The following TOM1L2 variants were observed in gnomAD, a reference collection of about 807,000 sequenced individuals.
TOM1L2 encodes the protein target of myb1 like 2 membrane trafficking protein, also known as TOM1-like protein 2.
A neutral mutation model predicts 67.9 loss-of-function variants in TOM1L2; 31 were observed. That is an observed-to-expected ratio of 0.46 (90% CI 0.34 to 0.62). The LOEUF is 0.62. TOM1L2 is among the 20% of genes least tolerant of loss of function. The probability of loss-of-function intolerance (pLI) is 0.01; values close to 1 mark genes in which losing one functional copy is unlikely to be tolerated. For missense variants in TOM1L2, 606 were observed against 663.5 expected (o/e 0.91, Z 0.95); for synonymous variants, 256 against 254.0 (o/e 1.01, Z -0.07).
intron 1 of TOM1L2, among the ~76,000 whole-genome samples, chr17:17,952,658 G>C (rs894024554): frequency 2.6e-5 from 4 of 152,034 alleles, no homozygotes; most frequent in Middle Eastern, 3.4e-3. Flanking sequence ...GCCTCCCAAA[G>C]TGCTGGGATT....
rs1041402591 is a variant in TOM1L2 at position 17,926,942 on chromosome 17, T to C, written c.53-19411A>G. Among the ~76,000 whole-genome samples, 5 of 152,214 alleles carry C rather than the reference T, an allele frequency of 3.3e-5. No homozygotes were observed. The South Asian group carries it at 8.3e-4, about 25-fold the overall frequency. ...GCCCCAACACAAGCATGTATTCCTG[T>C]TTATACAATATTCAGGGCTAACAGA... On this transcript the variant is annotated intron_variant, in intron 1 of 14. Coordinates refer to ENST00000379504, the MANE Select transcript of TOM1L2 (RefSeq NM_001082968.2).
chr17:17,931,971 T>C (rs895943843), intron 1 of TOM1L2, among the ~76,000 whole-genome samples: 2 of 152,222 alleles, frequency 1.3e-5, no homozygotes, highest in Non-Finnish European at 2.9e-5. Context: ...TGTGTTTAAT[T>C]GTTATGAATG....
chr17:17,925,794 G>A (rs1037291993), intron 1 of TOM1L2, among the ~76,000 whole-genome samples: 3 of 150,522 alleles, frequency 2.0e-5, no homozygotes, highest in Non-Finnish European at 3.0e-5. Context: ...GATGGAGGCT[G>A]CAGTAAGCTA....
intron 2 of TOM1L2, among the ~76,000 whole-genome samples, chr17:17,900,538 A>G (rs868456212): frequency 4.4e-4 from 67 of 151,548 alleles, no homozygotes; most frequent in African/African-American, 1.2e-3. Context: ...AAAAAAAAAA[A>G]AGAGAGAAAG....
intron 7 of TOM1L2, among the ~76,000 whole-genome samples, chr17:17,870,249 T>C (rs1387343506): frequency 6.6e-6 from 1 of 152,098 alleles, no homozygotes; most frequent in Non-Finnish European, 1.5e-5. Flanking sequence ...TCTCTACCCT[T>C]AGAAGCAACA....
At chr17:17,943,950 CT>C (rs1313054004) in intron 1 of TOM1L2, among the ~76,000 whole-genome samples, 3 of 152,210 alleles carry the variant, frequency 2.0e-5, no homozygotes, top group Non-Finnish European at 4.4e-5. Flanking sequence ...AGGTAAACTC[CT>C]ACCAGAGAGC....
Position 17,862,720 on chromosome 17 carries a change from G to GC in TOM1L2, c.1202+10dup, listed in dbSNP as rs762997818. 96 of 1,609,702 alleles carry GC rather than the reference G, an allele frequency of 6.0e-5. No homozygotes were observed. Among genetic ancestry groups the GC allele is most frequent in the Non-Finnish European group, 5.9e-6 (7 of 1,177,792 alleles). ...TATCTTTAGAGAGCCACTAAAAGGG[G>GC]CCCCACATACGTCTTGCGCTGCTCA... On this transcript the variant is annotated intron_variant, in intron 11 of 14. Coordinates refer to ENST00000379504, the MANE Select transcript of TOM1L2 (RefSeq NM_001082968.2).
chr17:17,936,726 A>G (rs1405111486), intron 1 of TOM1L2, among the ~76,000 whole-genome samples: 2 of 152,194 alleles, frequency 1.3e-5, no homozygotes, highest in Non-Finnish European at 2.9e-5. Context: ...ATTAAGTGGG[A>G]AAAACAGGGC....
intron 1 of TOM1L2, among the ~76,000 whole-genome samples, chr17:17,954,171 T>G (rs1303259244): frequency 1.3e-5 from 2 of 152,230 alleles, no homozygotes; most frequent in African/African-American, 4.8e-5. Flanking sequence ...AAGGGATGCT[T>G]TGCAGGGCCA....
At chr17:17,856,858 C>G (rs745658152) in intron 12 of TOM1L2, among the ~76,000 whole-genome samples, 3 of 152,240 alleles carry the variant, frequency 2.0e-5, no homozygotes, top group Non-Finnish European at 4.4e-5. Flanking sequence ...CCTTGCAGGT[C>G]TGTGGGCCAG....
At chr17:17,917,104 G>A (rs71367422) in intron 1 of TOM1L2, among the ~76,000 whole-genome samples, 50 of 152,126 alleles carry the variant, frequency 3.3e-4, no homozygotes, top group Non-Finnish European at 6.6e-4. Context: ...AGGTTGCAAT[G>A]AGCCGAGATC....
Position 17,862,731 on chromosome 17 carries a change from G to A in TOM1L2, c.1202C>T (p.Thr401Met), listed in dbSNP as rs769111096. ...RGNSLAEQRKTVTYEDPQAVG... is the reference protein window; with the variant it reads ...RGNSLAEQRKMVTYEDPQAVG... ...AGCCACTAAAAGGGGCCCCACATAC[G>A]TCTTGCGCTGCTCAGCCAAGGAGTT... Residue 401 changes from threonine (T) to methionine (M), a missense_variant and splice_region_variant, in exon 11 of 15, where the codon ACG (threonine) becomes ATG (methionine). Physicochemically the swap from Thr to Met is moderately conservative, Grantham distance 81. Coordinates refer to ENST00000379504, the MANE Select transcript of TOM1L2 (RefSeq NM_001082968.2). 2.0e-5 allele frequency: 32 copies of A among 1,612,664 alleles called. No individual in the cohort carries two copies. Among genetic ancestry groups the A allele is most frequent in the African/African-American group, 9.3e-5 (7 of 74,894 alleles).
At chr17:17,897,534 A>C (rs2038633905) in intron 3 of TOM1L2, among the ~76,000 whole-genome samples, 1 of 152,216 alleles carries the variant, frequency 6.6e-6, no homozygotes, top group Admixed American at 6.5e-5. Flanking sequence ...AGATTTTGCC[A>C]CATCTGAAAA....
intron 12 of TOM1L2, among the ~76,000 whole-genome samples, chr17:17,851,957 A>T (rs1248771101): frequency 6.6e-6 from 1 of 152,182 alleles, no homozygotes; most frequent in Non-Finnish European, 1.5e-5. Flanking sequence ...CAAATATGAC[A>T]TGATAAGAAG....
At chr17:17,968,338 G>A (rs977973366) in intron 1 of TOM1L2, among the ~76,000 whole-genome samples, 3 of 152,132 alleles carry the variant, frequency 2.0e-5, no homozygotes, top group African/African-American at 7.2e-5. Context: ...GGAAAATTAG[G>A]TCCAAAGAGA....
At chr17:17,906,326 A>T (rs1471279654) in intron 2 of TOM1L2, among the ~76,000 whole-genome samples, 2 of 151,490 alleles carry the variant, frequency 1.3e-5, no homozygotes, top group Non-Finnish European at 2.9e-5. Context: ...ACAAGATTCA[A>T]CCGTGTTGCC....
intron 13 of TOM1L2, 169 bp from the exon 14 acceptor site, chr17:17,849,028 T>G (rs1425428242): frequency 7.1e-6 from 4 of 564,802 alleles, no homozygotes; most frequent in Non-Finnish European, 1.2e-5. Flanking sequence ...AATACTGCTC[T>G]TCTTATTGGA....
rs751678159 is a variant in TOM1L2 at position 17,857,649 on chromosome 17, G to C, written c.1278+3827C>G. 3.8e-6 allele frequency: 3 copies of C among 798,378 alleles called. No homozygotes were observed. The South Asian group carries it at 5.6e-5, about 15-fold the overall frequency. 49.5% of individuals were successfully genotyped at this position (798,378 alleles called of 1,614,324 possible). A position where few individuals can be genotyped will look rare whatever the true frequency, so the allele number is the denominator to read the frequency against. On this transcript the variant is annotated intron_variant, in intron 12 of 14. Coordinates refer to ENST00000379504, the MANE Select transcript of TOM1L2 (RefSeq NM_001082968.2). ...TTGGCACCCCTGCCAGAAAGAAAGCGTGTGGCCTTGTACTGTCTGATTCAC... is the reference window on the plus strand; with the variant it reads ...TTGGCACCCCTGCCAGAAAGAAAGCCTGTGGCCTTGTACTGTCTGATTCAC...
intron 1 of TOM1L2, among the ~76,000 whole-genome samples, chr17:17,959,688 C>T (rs2145002042): frequency 6.6e-6 from 1 of 152,312 alleles, no homozygotes; most frequent in Admixed American, 6.5e-5. Context: ...AAAAACTCCA[C>T]AGTGTCCTAT....
Sources: allele counts gnomAD v4.1 joint callset (sites outside exome capture counted in the v4.1 genomes callset), GRCh38; gene constraint gnomAD v4.1.1; transcripts MANE v1.5; gene names NCBI Gene and HGNC (gene_info 2026-07-23, HGNC 2026-07-21).